The following C8orf34 variants were observed in gnomAD, a reference collection of about 807,000 sequenced individuals.
C8orf34 encodes the protein chromosome 8 open reading frame 34, also known as uncharacterized protein C8orf34.
A neutral mutation model predicts 68.3 loss-of-function variants in C8orf34; 65 were observed. That is an observed-to-expected ratio of 0.95 (90% CI 0.78 to 1.17). The LOEUF (loss-of-function observed/expected upper bound fraction) is 1.17. Among genes scored for constraint, C8orf34 ranks in the 50% most tolerant of loss-of-function variants. The pLI is 0.00. For synonymous variants in C8orf34, 244 were observed against 241.2 expected (o/e 1.01, Z -0.11); for missense variants, 664 against 655.4 (o/e 1.01, Z -0.14).
chr8:68,470,373 T>C (rs1812330493), intron 4 of C8orf34, among the ~76,000 whole-genome samples: 1 of 152,150 alleles, frequency 6.6e-6, no homozygotes, highest in South Asian at 2.1e-4. Context: ...AATCAACTTT[T>C]GTCCTTTAAA....
intron 7 of C8orf34, among the ~76,000 whole-genome samples, chr8:68,558,558 G>T: frequency 6.6e-6 from 1 of 151,728 alleles, no homozygotes; most frequent in African/African-American, 2.4e-5. Context: ...TTAGTAATAT[G>T]CTAATAGGAA....
chr8:68,556,324 T>C (rs2130111947), intron 7 of C8orf34, among the ~76,000 whole-genome samples: 1 of 149,678 alleles, frequency 6.7e-6, no homozygotes, highest in South Asian at 2.1e-4. Context: ...CTTTATATAC[T>C]TCCTTATTGT....
chr8:68,484,312 C>T (rs1185320677), intron 4 of C8orf34, among the ~76,000 whole-genome samples: 1 of 152,174 alleles, frequency 6.6e-6, no homozygotes, highest in East Asian at 1.9e-4. Context: ...CACCTCCCAC[C>T]AGCCCTCACC....
chr8:68,439,643 T>G lies in C8orf34; in HGVS notation c.472T>G (p.Ser158Ala), dbSNP rs1810814628. The G allele has an allele frequency of 1.2e-6, 2 of 1,608,864 alleles. No individual in the cohort carries two copies. Among genetic ancestry groups the G allele is most frequent in the Non-Finnish European group, 1.7e-6 (2 of 1,178,520 alleles). The change falls in exon 2 of 14, where the codon TCA becomes GCA. Residue 158 changes from serine (S) to alanine (A), a missense_variant. Transcript: ENST00000518698. The stretch of plus-strand genomic sequence containing the variant: ...AGCTCTATGGGCAGAAAGTGAAAAA[T>G]CAGGTAAATGAAGAATGTCTATGCA... ...SAALWAESEKSESKGTRRDFR... is the reference protein window; with the variant it reads ...SAALWAESEKAESKGTRRDFR...
chr8:68,735,342 C>G (rs1822094659), intron 10 of C8orf34, among the ~76,000 whole-genome samples: 1 of 152,196 alleles, frequency 6.6e-6, no homozygotes, highest in African/African-American at 2.4e-5. Flanking sequence ...CCCATTCAAA[C>G]TGTTCTGAAA....
At chr8:68,464,800 C>A (rs1812030911) in intron 3 of C8orf34, among the ~76,000 whole-genome samples, 1 of 151,970 alleles carries the variant, frequency 6.6e-6, no homozygotes, top group African/African-American at 2.4e-5. Flanking sequence ...AAAATCAATT[C>A]AAGATGGATT....
chr8:68,481,176 G>A (rs1261251796), intron 4 of C8orf34, among the ~76,000 whole-genome samples: 1 of 152,212 alleles, frequency 6.6e-6, no homozygotes, highest in African/African-American at 2.4e-5. Flanking sequence ...AATGTGGGCT[G>A]TGGCTTCAGA....
intron 3 of C8orf34, among the ~76,000 whole-genome samples, chr8:68,465,374 A>G (rs1812069112): frequency 6.7e-6 from 1 of 148,800 alleles, no homozygotes; most frequent in African/African-American, 2.5e-5. Context: ...TAGTTCAACC[A>G]TTGTGGAAGT....
At chr8:68,419,640 A>G (rs1809854357) in intron 1 of C8orf34, among the ~76,000 whole-genome samples, 2 of 151,778 alleles carry the variant, frequency 1.3e-5, no homozygotes, top group South Asian at 2.1e-4. Context: ...ATGGAATACT[A>G]TGCAGCCATG....
chr8:68,697,218 T>A (rs150502945), intron 8 of C8orf34, among the ~76,000 whole-genome samples: 1 of 152,102 alleles, frequency 6.6e-6, no homozygotes, highest in Non-Finnish European at 1.5e-5. Context: ...TTATTTGCTG[T>A]ATTTCTTCTT....
chr8:68,410,926 C>T (rs1809417482), intron 1 of C8orf34, among the ~76,000 whole-genome samples: 1 of 152,194 alleles, frequency 6.6e-6, no homozygotes, highest in Admixed American at 6.6e-5. Flanking sequence ...CTTGGTTCTG[C>T]TCCTTAGCCT....
intron 7 of C8orf34, among the ~76,000 whole-genome samples, chr8:68,537,436 A>G: frequency 6.6e-6 from 1 of 151,850 alleles, no homozygotes; most frequent in Middle Eastern, 3.4e-3. Flanking sequence ...ATTATTCATA[A>G]GAAATCTAAG....
At chr8:68,624,280 A>AG (rs1818472447) in intron 7 of C8orf34, among the ~76,000 whole-genome samples, 1 of 152,074 alleles carries the variant, frequency 6.6e-6, no homozygotes, top group Admixed American at 6.6e-5. Flanking sequence ...TCAAAAAAAA[A>AG]AAAAAAAAAT....
intron 5 of C8orf34, 58 bp downstream of exon 5, chr8:68,488,109 T>C: frequency 1.7e-6 from 2 of 1,165,778 alleles, no homozygotes; most frequent in South Asian, 3.1e-5. Context: ...TTTATTCCAC[T>C]GTCTCAACAT....
At chr8:68,748,947 T>C (rs1372953369) in intron 10 of C8orf34, among the ~76,000 whole-genome samples, 4 of 152,180 alleles carry the variant, frequency 2.6e-5, no homozygotes, top group East Asian at 3.8e-4. Flanking sequence ...CGTATGTTTA[T>C]TGCGGCATTA....
intron 6 of C8orf34, chr8:68,530,574 T>G: frequency 8.2e-7 from 1 of 1,218,882 alleles, no homozygotes; most frequent in Non-Finnish European, 1.1e-6. Context: ...GACTTTAACA[T>G]TGTTACATTG....
chr8:68,758,657 G>A (rs1450513334), intron 10 of C8orf34, among the ~76,000 whole-genome samples: 1 of 152,070 alleles, frequency 6.6e-6, no homozygotes, highest in African/African-American at 2.4e-5. Flanking sequence ...GTGGCGGCTT[G>A]CTTTCTGCGT....
chr8:68,625,230 G>A (rs1365287395), intron 7 of C8orf34, among the ~76,000 whole-genome samples: 2 of 152,136 alleles, frequency 1.3e-5, no homozygotes, highest in Non-Finnish European at 2.9e-5. Flanking sequence ...AATATTCTTG[G>A]CCTGCTCCCA....
chr8:68,613,596 G>A (rs147705574), intron 7 of C8orf34, among the ~76,000 whole-genome samples: 23,531 of 150,606 alleles, frequency 0.16, 2,024 homozygotes, highest in African/African-American at 0.24. Flanking sequence ...AATTTCATCC[G>A]TGTCCCTACA....
Sources: gnomAD v4.1 joint callset for allele counts (sites outside exome capture counted in the v4.1 genomes callset) on GRCh38, gnomAD v4.1.1 for gene constraint, MANE v1.5 for transcripts, NCBI Gene and HGNC (gene_info 2026-07-23, HGNC 2026-07-21) for gene names.